Variants in GALNT12 observed in about 807,000 individuals in gnomAD.
GALNT12 encodes the protein polypeptide N-acetylgalactosaminyltransferase 12, also known as UDP-GalNAc:polypeptide N-acetylgalactosaminyltransferase 12.
Under a neutral mutation model 55.5 loss-of-function variants are expected in GALNT12, and 45 were observed. The observed-to-expected ratio is 0.81, with a 90% CI of 0.64 to 1.04. GALNT12 has a LOEUF of 1.04. Ranked by LOEUF, GALNT12 falls within the 50% of genes least tolerant of loss-of-function variation. The pLI is 0.00. For synonymous variants in GALNT12, 304 were observed against 312.2 expected, an observed-to-expected ratio of 0.97 and a Z score of 0.28; for missense variants, 709 against 754.8, an observed-to-expected ratio of 0.94 and a Z score of 0.71.
Position 98,846,091 on chromosome 9 carries a change from G to A in GALNT12, c.1573G>A (p.Ala525Thr). The change falls in exon 9 of 10, where the codon GCC (alanine) becomes ACC (threonine). Residue 525 changes from alanine (A) to threonine (T), a missense_variant. Ala to Thr is a moderately conservative substitution (Grantham distance 58, BLOSUM62 0). Around this residue, in one of 5 missense-constraint regions of GALNT12, gnomAD observed 262 missense variants for 310.7 expected, o/e 0.84. Coordinates refer to ENST00000375011, the MANE Select transcript of GALNT12 (RefSeq NM_024642.5). ...TATCATGCATCTCTGCGAAGAAACTGCCCCAGAGAATCAGAAGTTCATCTT... is the reference window on the plus strand; with the variant it reads ...TATCATGCATCTCTGCGAAGAAACTACCCCAGAGAATCAGAAGTTCATCTT... ...TLIMHLCEET[A>T]PENQKFILQE... is the part of the protein sequence containing the mutation. 8 of 1,614,198 alleles carry A rather than the reference G, an allele frequency of 5.0e-6. No homozygotes were observed. Among genetic ancestry groups the A allele is most frequent in the Non-Finnish European group, 5.9e-6 (7 of 1,180,026 alleles).
intron 7 of GALNT12, among the ~76,000 whole-genome samples, chr9:98,840,901 C>T (rs551258451): frequency 1.3e-5 from 2 of 152,210 alleles, no homozygotes; most frequent in Non-Finnish European, 2.9e-5. Context: ...TGTCATTTCT[C>T]TCCTCTGCAT....
chr9:98,843,401 C>CTT lies in GALNT12; in HGVS notation c.1345-683_1345-682dup, dbSNP rs113917177. Among the ~76,000 whole-genome samples the CTT allele has an allele frequency of 3.3e-3, 476 of 143,830 alleles. 2 individuals are homozygous for CTT. The highest frequency in any genetic ancestry group is 0.011 in the African/African-American group (449 of 39,358). The allele number at this position is 143,830 out of a possible 152,430, so 94.4% of individuals were successfully genotyped here. ...TGCTCTAAAGTGATTTAAATTAATT[C>CTT]TTTTTTTTTTTTTGGTGGTGGGGAG... is the stretch of plus-strand genomic sequence containing the variant. On this transcript the variant is annotated intron_variant, in intron 7 of 9. Coordinates refer to ENST00000375011, the MANE Select transcript of GALNT12 (RefSeq NM_024642.5).
intron 3 of GALNT12, among the ~76,000 whole-genome samples, chr9:98,830,653 A>G (rs942399965): frequency 3.3e-5 from 5 of 152,168 alleles, no homozygotes; most frequent in Non-Finnish European, 7.4e-5. Context: ...GGCCCTTTCA[A>G]CCTTTTAAAT....
chr9:98,835,173 G>A (rs895570179), intron 4 of GALNT12, 76 bp from the exon 5 acceptor site: 61 of 978,426 alleles, frequency 6.2e-5, no homozygotes, highest in Non-Finnish European at 8.7e-5. Context: ...GAAAGGGCTC[G>A]TGGTGGGAAG....
In GALNT12 at chr9:98,849,470, G is replaced by A. The variant is rs1836500737; in HGVS notation, c.*378G>A. 1 of 530,164 alleles carries A rather than the reference G, an allele frequency of 1.9e-6. No individual in the cohort carries two copies. Among genetic ancestry groups the A allele is most frequent in the African/African-American group, 1.9e-5 (1 of 52,144 alleles). 32.8% of individuals were successfully genotyped at this position (530,164 alleles called of 1,614,324 possible). On this transcript the variant is annotated 3_prime_UTR_variant, in exon 10 of 10. Transcript: ENST00000375011. Reference sequence around the variant, plus strand: ...ATTTTGGTATTTACAAGAATTCCCAGGTACGAAGATATCTGCATGGGTGGA... The same window carrying A: ...ATTTTGGTATTTACAAGAATTCCCAAGTACGAAGATATCTGCATGGGTGGA...
chr9:98,812,198 T>C (rs936606935), intron 1 of GALNT12, among the ~76,000 whole-genome samples: 9 of 152,204 alleles, frequency 5.9e-5, no homozygotes, highest in Non-Finnish European at 1.3e-4. Flanking sequence ...TCAATTTCGG[T>C]TAGTATTTTC....
intron 1 of GALNT12, among the ~76,000 whole-genome samples, chr9:98,820,292 T>A (rs1157676198): frequency 1.3e-5 from 2 of 152,164 alleles, no homozygotes; most frequent in Admixed American, 6.5e-5. Flanking sequence ...TTCCACTCCA[T>A]GTGTCCATGT....
intron 2 of GALNT12, among the ~76,000 whole-genome samples, chr9:98,824,484 G>A (rs761060499): frequency 1.3e-5 from 2 of 152,190 alleles, no homozygotes; most frequent in Non-Finnish European, 2.9e-5. Context: ...GCCTGGCCAC[G>A]TGTAGCTGCA....
intron 7 of GALNT12, among the ~76,000 whole-genome samples, chr9:98,843,186 A>G (rs1324973886): frequency 6.6e-6 from 1 of 152,226 alleles, no homozygotes; most frequent in African/African-American, 2.4e-5. Flanking sequence ...TCTTACCCTG[A>G]AAATCTTGGT....
At chr9:98,824,252 G>A (rs951273607) in intron 2 of GALNT12, among the ~76,000 whole-genome samples, 1 of 152,158 alleles carries the variant, frequency 6.6e-6, no homozygotes, top group South Asian at 2.1e-4. Flanking sequence ...GTCTAGAATG[G>A]GTGTGGTGGC....
In GALNT12 at chr9:98,849,213, C is replaced by G; in HGVS notation, c.*121C>G. ...ACTAGGCTGCATTGCTTTGAAGAGG[C>G]AATCATTTTGCCATTTGTGAAAGTT... On this transcript the variant is annotated 3_prime_UTR_variant, in exon 10 of 10. Coordinates refer to ENST00000375011, the MANE Select transcript of GALNT12 (RefSeq NM_024642.5). The G allele has an allele frequency of 1.0e-6, 1 of 957,926 alleles. No homozygotes were observed. 59.3% of individuals were successfully genotyped at this position (957,926 alleles called of 1,614,324 possible). A position where few individuals can be genotyped will look rare whatever the true frequency, so the allele number is the denominator to read the frequency against.
At position 98,831,953 on chromosome 9, in the gene GALNT12, A is replaced by G. The variant is rs1588450129; in HGVS notation, c.913A>G (p.Ile305Val). 1.2e-6 allele frequency: 2 copies of G among 1,613,728 alleles called. No homozygotes were observed. The highest frequency in any genetic ancestry group is 1.7e-6 in the Non-Finnish European group (2 of 1,179,802). Residue 305 changes from isoleucine to valine, a missense_variant, in exon 4 of 10, where the codon ATC (isoleucine) becomes GTC (valine). By Grantham distance (29) the Ile-to-Val change is conservative. This residue lies in a region of GALNT12 where 315 missense variants were observed against 288.6 expected (regional missense o/e 1.09). Coordinates refer to ENST00000375011, the MANE Select transcript of GALNT12 (RefSeq NM_024642.5). ...ACGGATGCAATCCCCCGTCGATGTC[A>G]TCAGGTCAGGAGCTGACTTCTGGGT... ...RIRMQSPVDVIRSPTMAGGLF... is the reference protein window; with the variant it reads ...RIRMQSPVDVVRSPTMAGGLF...
chr9:98,834,507 C>T (rs889308909), intron 4 of GALNT12, among the ~76,000 whole-genome samples: 1 of 152,182 alleles, frequency 6.6e-6, no homozygotes, highest in African/African-American at 2.4e-5. Flanking sequence ...GGCTGGAAGC[C>T]GTGGGCCGTT....
intron 6 of GALNT12, among the ~76,000 whole-genome samples, chr9:98,838,057 A>G (rs1156699725): frequency 2.6e-5 from 4 of 152,170 alleles, no homozygotes; most frequent in Non-Finnish European, 5.9e-5. Flanking sequence ...GTCCACAAAC[A>G]CAGGGTACAA....
chr9:98,827,082 C>T, intron 3 of GALNT12, 141 bp downstream of exon 3: 2 of 890,146 alleles, frequency 2.2e-6, no homozygotes, highest in Non-Finnish European at 1.8e-6. Flanking sequence ...AGAGCAGTCC[C>T]TGCTTAGTTC....
At chr9:98,815,527 A>C (rs1397123142) in intron 1 of GALNT12, among the ~76,000 whole-genome samples, 1 of 152,248 alleles carries the variant, frequency 6.6e-6, no homozygotes, top group Non-Finnish European at 1.5e-5. Context: ...CATAAAACAG[A>C]ATGCCTTTAG....
intron 1 of GALNT12, among the ~76,000 whole-genome samples, chr9:98,819,077 C>A (rs1364254213): frequency 6.6e-6 from 1 of 152,188 alleles, no homozygotes; most frequent in African/African-American, 2.4e-5. Flanking sequence ...CACAACATGG[C>A]AGCCGGCTTT....
chr9:98,839,968 C>T (rs2118468709), intron 6 of GALNT12, 34 bp from the exon 7 acceptor site: 2 of 1,613,634 alleles, frequency 1.2e-6, no homozygotes, highest in Non-Finnish European at 1.7e-6. Flanking sequence ...AGCACTAGGA[C>T]CCATGGGGTC....
At chr9:98,808,259 G>GA (rs930413539) in intron 1 of GALNT12, among the ~76,000 whole-genome samples, 190 bp downstream of exon 1, 7 of 152,048 alleles carry the variant, frequency 4.6e-5, no homozygotes, top group Admixed American at 2.0e-4. Context: ...GACGAAAGTA[G>GA]AAAAAAAATT....
Sources: allele counts gnomAD v4.1 joint callset (sites outside exome capture counted in the v4.1 genomes callset), GRCh38; gene constraint gnomAD v4.1.1; regional missense constraint gnomAD v4.1.1; transcripts MANE v1.5; gene names NCBI Gene and HGNC (gene_info 2026-07-23, HGNC 2026-07-21).